The following SPAG16 variants were observed in gnomAD, a reference collection of about 807,000 sequenced individuals.
The protein encoded by SPAG16 is sperm-associated antigen 16 protein.
SPAG16 carries 86 observed loss-of-function variants against 80.4 expected under a neutral mutation model. The ratio of observed to expected loss-of-function variants is 1.07; its 90% confidence interval spans 0.90 to 1.28. The LOEUF (loss-of-function observed/expected upper bound fraction) is 1.28, where lower values mean the gene tolerates loss of function less well. Among genes scored for constraint, SPAG16 ranks in the 50% most tolerant of loss-of-function variants. SPAG16 has a pLI of 0.00. For missense variants in SPAG16, 870 were observed against 765.3 expected (o/e 1.14, Z -1.61); for synonymous variants, 294 against 265.9 (o/e 1.11, Z -1.03).
chr2:213,435,771 A>T (rs1202988601), intron 9 of SPAG16, among the ~76,000 whole-genome samples: 1 of 152,170 alleles, frequency 6.6e-6, no homozygotes, highest in African/African-American at 2.4e-5. Flanking sequence ...ACTATAGCAA[A>T]TTATCAGTTT....
chr2:213,845,267 G>A (rs182013481), intron 10 of SPAG16, among the ~76,000 whole-genome samples: 11 of 149,888 alleles, frequency 7.3e-5, no homozygotes, highest in Admixed American at 6.0e-4. Context: ...GCACAGTCTC[G>A]GCTCACTGCA....
intron 9 of SPAG16, among the ~76,000 whole-genome samples, chr2:213,451,511 A>G (rs1394971531): frequency 6.6e-6 from 1 of 152,174 alleles, no homozygotes; most frequent in African/African-American, 2.4e-5. Context: ...AAAAGGCCTC[A>G]TTGCCTGGGG....
At position 214,304,138 on chromosome 2, in the gene SPAG16, C is replaced by CTTT. The variant is rs1694753873; in HGVS notation, c.1721-106001_1721-106000insTTT. 2.0e-5 allele frequency among the ~76,000 whole-genome samples: 3 copies of CTTT among 152,284 alleles called. No individual in the cohort carries two copies. In the South Asian group the frequency reaches 6.2e-4, roughly 32 times the overall value. On this transcript the variant is annotated intron_variant, in intron 15 of 15. Transcript: ENST00000331683. ...GGTTTTCTGTTCCTATGTTACTTTG[C>CTTT]TAAAGATAATGACCTCCAGCTTAAC...
intron 7 of SPAG16, among the ~76,000 whole-genome samples, chr2:213,358,032 A>G (rs1413737331): frequency 1.3e-5 from 2 of 152,158 alleles, no homozygotes; most frequent in African/African-American, 2.4e-5. Flanking sequence ...GTTTGGCTAG[A>G]TATGAAATTC....
chr2:213,419,514 C>T (rs938902798), intron 9 of SPAG16, among the ~76,000 whole-genome samples: 2 of 152,094 alleles, frequency 1.3e-5, no homozygotes, highest in East Asian at 1.9e-4. Flanking sequence ...TTGTAGTACT[C>T]GTGTAGCACT....
At chr2:213,889,688 T>TGC (rs1161203730) in intron 11 of SPAG16, among the ~76,000 whole-genome samples, 1 of 147,570 alleles carries the variant, frequency 6.8e-6, no homozygotes, top group African/African-American at 2.5e-5. Context: ...TATATACATA[T>TGC]ACATATATAT....
chr2:213,663,989 G>A (rs1276044244), intron 10 of SPAG16, among the ~76,000 whole-genome samples: 1 of 152,108 alleles, frequency 6.6e-6, no homozygotes, highest in Non-Finnish European at 1.5e-5. Context: ...CTGGAAGTCA[G>A]TAAAATCAGT....
chr2:213,573,092 T>G (rs57315930), intron 10 of SPAG16, among the ~76,000 whole-genome samples: 2 of 151,584 alleles, frequency 1.3e-5, no homozygotes, highest in African/African-American at 4.9e-5. Flanking sequence ...CGCCCTGCTT[T>G]GGCTCACGCA....
chr2:214,033,508 A>G (rs367798813), intron 13 of SPAG16, among the ~76,000 whole-genome samples: 1 of 152,142 alleles, frequency 6.6e-6, no homozygotes, highest in Non-Finnish European at 1.5e-5. Context: ...TAGGGACAAG[A>G]TGGTAGCAGT....
intron 10 of SPAG16, among the ~76,000 whole-genome samples, chr2:213,531,357 T>TGA (rs1553558583): frequency 2.3e-4 from 27 of 119,674 alleles, no homozygotes; most frequent in Non-Finnish European, 4.3e-4. Flanking sequence ...AAAAAAGATG[T>TGA]GAGTGTGTGT....
chr2:214,143,275 A>C (rs1420109812), intron 14 of SPAG16, among the ~76,000 whole-genome samples: 1 of 124,904 alleles, frequency 8.0e-6, no homozygotes, highest in Non-Finnish European at 1.6e-5. Context: ...ATATATGTAT[A>C]TATCTGTATA....
At chr2:213,466,624 T>C (rs2072713457) in intron 9 of SPAG16, among the ~76,000 whole-genome samples, 1 of 152,216 alleles carries the variant, frequency 6.6e-6, no homozygotes, top group Non-Finnish European at 1.5e-5. Context: ...AGAGTAGACC[T>C]AGATACTTCA....
chr2:214,056,292 C>A (rs2049941082), intron 13 of SPAG16, among the ~76,000 whole-genome samples: 1 of 150,974 alleles, frequency 6.6e-6, no homozygotes, highest in African/African-American at 2.4e-5. Context: ...CACACACACA[C>A]ACACACACAC....
chr2:213,462,176 A>G (rs1378885466), intron 9 of SPAG16, among the ~76,000 whole-genome samples: 3 of 152,114 alleles, frequency 2.0e-5, no homozygotes, highest in Admixed American at 1.3e-4. Flanking sequence ...GCTGTCAAAG[A>G]CCACTTCTAC....
At chr2:213,460,109 C>G (rs1456174868) in intron 9 of SPAG16, among the ~76,000 whole-genome samples, 1 of 152,182 alleles carries the variant, frequency 6.6e-6, no homozygotes, top group African/African-American at 2.4e-5. Context: ...CTGCCACTCA[C>G]CTTTGCAGAC....
At chr2:213,470,392 A>G (rs542276784) in intron 9 of SPAG16, among the ~76,000 whole-genome samples, 58 of 152,244 alleles carry the variant, frequency 3.8e-4, no homozygotes, top group African/African-American at 1.3e-3. Context: ...GAGTCCATGG[A>G]TGGTAGTCTT....
rs544085550 is a variant in SPAG16, at chr2:214,229,997, T to C, written c.1720+80731T>C. The stretch of plus-strand genomic sequence containing the variant: ...ACTCCAGCATTACATATGATGAATG[T>C]GAAAAAATAAACAGGCAAACACCTA... On this transcript the variant is annotated intron_variant, in intron 15 of 15. Coordinates refer to ENST00000331683, the MANE Select transcript of SPAG16 (RefSeq NM_024532.5). Among the ~76,000 whole-genome samples, 15 of 151,914 alleles carry C rather than the reference T, an allele frequency of 9.9e-5. No homozygotes were observed. The East Asian group carries it at 2.7e-3, about 27-fold the overall frequency.
intron 15 of SPAG16, among the ~76,000 whole-genome samples, chr2:214,347,123 A>G (rs78945806): frequency 6.6e-6 from 1 of 152,274 alleles, no homozygotes; most frequent in East Asian, 1.9e-4. Context: ...AAATGAGTAC[A>G]CTGTTATTGG....
chr2:213,520,065 GGAGA>G lies in SPAG16; in HGVS notation c.1070+29985_1070+29988del, dbSNP rs371860669. ...CACGAGAGAGAGAGAGAAATAGAGA[GGAGA>G]GAGAGAGAGCAAGAGCAAGAGAGAG... On this transcript the variant is annotated intron_variant, in intron 10 of 15. Coordinates refer to ENST00000331683, the MANE Select transcript of SPAG16 (RefSeq NM_024532.5). Among the ~76,000 whole-genome samples the G allele has an allele frequency of 9.3e-3, 1,385 of 148,530 alleles. 18 individuals are homozygous for G. The highest frequency in any genetic ancestry group is 0.012 in the Non-Finnish European group (809 of 66,676).
Sources: allele counts gnomAD v4.1 joint callset (sites outside exome capture counted in the v4.1 genomes callset), GRCh38; gene constraint gnomAD v4.1.1; transcripts MANE v1.5; gene names NCBI Gene and HGNC (gene_info 2026-07-23, HGNC 2026-07-21).